WDR27: variants seen among roughly 807,000 people sequenced by gnomAD.
WDR27 encodes the protein WD repeat-containing protein 27.
WDR27 carries 100 observed loss-of-function variants against 114.4 expected under a neutral mutation model. That is an observed-to-expected ratio of 0.87 (90% CI 0.74 to 1.03). The LOEUF is 1.03. WDR27 is among the 50% of genes least tolerant of loss of function. The probability of loss-of-function intolerance (pLI) is 0.00; values close to 1 mark genes in which losing one functional copy is unlikely to be tolerated. For synonymous variants in WDR27, 449 were observed against 423.1 expected (o/e 1.06, Z -0.75); for missense variants, 1,129 against 1,092.9 (o/e 1.03, Z -0.47).
intron 21 of WDR27, among the ~76,000 whole-genome samples, chr6:169,628,174 A>C (rs1815349919): frequency 6.6e-6 from 1 of 151,896 alleles, no homozygotes; most frequent in African/African-American, 2.4e-5. Flanking sequence ...AGGAGTTTGT[A>C]TTTCCATCCA....
intron 1 of WDR27, chr6:169,689,406 A>G (rs1783870887): frequency 6.5e-6 from 1 of 154,420 alleles, no homozygotes. Flanking sequence ...AACGTTGGTT[A>G]CTGAAATGAC....
At chr6:169,447,300 G>A in the WDR27 span, among the ~76,000 whole-genome samples, 49 of 152,306 alleles carry the variant, frequency 3.2e-4, no homozygotes, top group East Asian at 9.1e-3. Context: ...TGTCAGGGAA[G>A]AAAGCCAGTT....
Position 169,660,764 on chromosome 6 carries a change from A to G in WDR27, c.1028T>C (p.Leu343Pro), listed in dbSNP as rs1825854071. Residue 343 changes from leucine (L) to proline (P), a missense_variant and splice_region_variant, in exon 10 of 26, where the codon CTT becomes CCT. Transcript: ENST00000448612. The stretch of plus-strand genomic sequence containing the variant: ...CACACATCGGGTGTTCTCAGAAGAA[A>G]GACTGATTTAAGGAAAAAAAGAAAA... Reference protein sequence around the residue: ...SLIPNSACGCLSSENTRCVWI... With the variant: ...SLIPNSACGCPSSENTRCVWI... 1 of 1,613,126 alleles carries G rather than the reference A, an allele frequency of 6.2e-7. No individual in the cohort carries two copies. The highest frequency in any genetic ancestry group is 2.2e-5 in the East Asian group (1 of 44,890).
intron 25 of WDR27, among the ~76,000 whole-genome samples, chr6:169,521,877 GA>G (rs1246566601): frequency 6.6e-6 from 1 of 151,354 alleles, no homozygotes; most frequent in Non-Finnish European, 1.5e-5. Flanking sequence ...AAGACAGAAA[GA>G]AAAAAAGAAG....
At chr6:169,450,600 C>T in the WDR27 span, among the ~76,000 whole-genome samples, 2 of 152,206 alleles carry the variant, frequency 1.3e-5, no homozygotes, top group African/African-American at 4.8e-5. Flanking sequence ...GATGACAGAG[C>T]TCACCCATCA....
intron 25 of WDR27, among the ~76,000 whole-genome samples, chr6:169,505,846 G>A (rs1791937364): frequency 6.6e-6 from 1 of 152,186 alleles, no homozygotes; most frequent in Non-Finnish European, 1.5e-5. Flanking sequence ...CATTAGGACT[G>A]GGCAGGGGAC....
intron 21 of WDR27, among the ~76,000 whole-genome samples, chr6:169,614,469 T>G (rs1811326923): frequency 6.6e-6 from 1 of 152,112 alleles, no homozygotes; most frequent in South Asian, 2.1e-4. Context: ...GCAGATCACC[T>G]GAGGTCAGGA....
At chr6:169,586,274 C>T (rs1420951555) in intron 23 of WDR27, among the ~76,000 whole-genome samples, 1 of 152,198 alleles carries the variant, frequency 6.6e-6, no homozygotes, top group Non-Finnish European at 1.5e-5. Context: ...CAACTCTGGA[C>T]AGTTCTCTCC....
At chr6:169,656,732 C>T (rs544905986) in intron 13 of WDR27, among the ~76,000 whole-genome samples, 1 of 152,334 alleles carries the variant, frequency 6.6e-6, no homozygotes, top group Admixed American at 6.5e-5. Flanking sequence ...CATTAGGCCG[C>T]AGCAGCCCAG....
At chr6:169,674,576 T>C (rs1246309733) in intron 2 of WDR27, among the ~76,000 whole-genome samples, 1 of 152,056 alleles carries the variant, frequency 6.6e-6, no homozygotes, top group Non-Finnish European at 1.5e-5. Context: ...AGAGTATCAG[T>C]GAGCTGTGGG....
rs549626204 is a variant in WDR27, at chr6:169,554,930, T to C, written c.2645+17489A>G. On this transcript the variant is annotated intron_variant, in intron 25 of 25. Coordinates refer to ENST00000448612, the MANE Select transcript of WDR27 (RefSeq NM_182552.5). ...TGCCTCCACGATGACATAAATACTC[T>C]TGGATGAAAAATACTGTACTTTCTA... Among the ~76,000 whole-genome samples the C allele has an allele frequency of 4.6e-5, 7 of 152,334 alleles. No individual in the cohort carries two copies. The East Asian group carries it at 1.3e-3, about 29-fold the overall frequency.
At chr6:169,618,712 C>T (rs1200249972) in intron 21 of WDR27, among the ~76,000 whole-genome samples, 1 of 149,882 alleles carries the variant, frequency 6.7e-6, no homozygotes, top group African/African-American at 2.4e-5. Flanking sequence ...ATTAGAAATG[C>T]CCTGTTTTAT....
intron 25 of WDR27, among the ~76,000 whole-genome samples, chr6:169,543,452 A>G (rs1368678775): frequency 6.6e-6 from 1 of 152,140 alleles, no homozygotes. Context: ...GGTCTTTTCT[A>G]CCAATATTTA....
chr6:169,490,691 C>A (rs1243954638), intron 25 of WDR27, among the ~76,000 whole-genome samples: 1 of 152,198 alleles, frequency 6.6e-6, no homozygotes, highest in Non-Finnish European at 1.5e-5. Context: ...GAAAACAAGA[C>A]AAGCTACTGG....
chr6:169,563,142 T>G (rs1288763859), intron 25 of WDR27, among the ~76,000 whole-genome samples: 1 of 151,546 alleles, frequency 6.6e-6, no homozygotes, highest in Non-Finnish European at 1.5e-5. Context: ...AACCCGCACA[T>G]GGAGAAAGGT....
At chr6:169,529,644 T>C (rs1318541497) in intron 25 of WDR27, among the ~76,000 whole-genome samples, 1 of 152,168 alleles carries the variant, frequency 6.6e-6, no homozygotes, top group Non-Finnish European at 1.5e-5. Context: ...TTTCAGTAAA[T>C]AACTGAAATA....
chr6:169,507,239 C>T (rs1450862398), intron 25 of WDR27, among the ~76,000 whole-genome samples: 2 of 152,174 alleles, frequency 1.3e-5, no homozygotes, highest in Non-Finnish European at 2.9e-5. Flanking sequence ...TTTTTTCCCC[C>T]TTTCCTGTCC....
chr6:169,459,822 C>T, intron 25 of WDR27, among the ~76,000 whole-genome samples: 1 of 151,938 alleles, frequency 6.6e-6, no homozygotes, highest in East Asian at 1.9e-4. Context: ...AACAAAAAAA[C>T]CCCCAAAAAA....
chr6:169,687,258 T>C (rs1783237554), intron 2 of WDR27, among the ~76,000 whole-genome samples: 1 of 152,068 alleles, frequency 6.6e-6, no homozygotes, highest in African/African-American at 2.4e-5. Flanking sequence ...CCCCAAAATA[T>C]GTACAACTAT....
Sources: gnomAD v4.1 joint callset for allele counts (sites outside exome capture counted in the v4.1 genomes callset) on GRCh38, gnomAD v4.1.1 for gene constraint, MANE v1.5 for transcripts, NCBI Gene and HGNC (gene_info 2026-07-23, HGNC 2026-07-21) for gene names.